The following PTPRS variants were observed in gnomAD, a reference collection of about 807,000 sequenced individuals.
PTPRS encodes protein tyrosine phosphatase receptor type S, also known as receptor-type tyrosine-protein phosphatase S.
Under a neutral mutation model 215.3 loss-of-function variants are expected in PTPRS, and 63 were observed. That is an observed-to-expected ratio of 0.29 (90% CI 0.24 to 0.36). PTPRS has a LOEUF of 0.36. Among genes scored for constraint, PTPRS ranks in the 10% least tolerant of loss-of-function variants. PTPRS has a pLI of 1.00. For synonymous variants in PTPRS, 1,404 were observed against 1,191.4 expected (o/e 1.18, Z -3.68); for missense variants, 2,258 against 2,825.8 (o/e 0.80, Z 4.56).
Position 5,217,412 on chromosome 19 carries a change from A to C in PTPRS, c.4049-645T>G, listed in dbSNP as rs1431644115. Among the ~76,000 whole-genome samples the C allele has an allele frequency of 2.0e-5, 3 of 152,282 alleles. No homozygotes were observed. The East Asian group carries it at 5.8e-4, about 29-fold the overall frequency. Reference sequence around the variant, plus strand: ...TCAGTACAGAGGAAAGAAAGGGAAGAGAATACACGAGGGGTGATACATGAG... The same window carrying C: ...TCAGTACAGAGGAAAGAAAGGGAAGCGAATACACGAGGGGTGATACATGAG... On this transcript the variant is annotated intron_variant, in intron 25 of 37. Coordinates refer to ENST00000262963, the MANE Select transcript of PTPRS (RefSeq NM_002850.4).
intron 1 of PTPRS, among the ~76,000 whole-genome samples, chr19:5,326,213 A>C (rs1340827372): frequency 1.3e-5 from 2 of 152,172 alleles, no homozygotes; most frequent in African/African-American, 4.8e-5. Flanking sequence ...CCTGGGCGAC[A>C]GAGTGAGACT....
chr19:5,207,128 A>G (rs1002176218), intron 37 of PTPRS, among the ~76,000 whole-genome samples: 1 of 152,244 alleles, frequency 6.6e-6, no homozygotes, highest in African/African-American at 2.4e-5. Context: ...TGTGTTGCCC[A>G]GGCTGGAGTG....
chr19:5,239,607 A>G (rs573281731), intron 12 of PTPRS, among the ~76,000 whole-genome samples: 26 of 151,634 alleles, frequency 1.7e-4, no homozygotes. Context: ...AACACAGAGA[A>G]ACAGGGGAGA....
chr19:5,246,818 T>C (rs2044529251), intron 9 of PTPRS, among the ~76,000 whole-genome samples: 1 of 152,184 alleles, frequency 6.6e-6, no homozygotes, highest in Admixed American at 6.5e-5. Context: ...TAAAAGCTTC[T>C]GTCAGATCTG....
At chr19:5,292,890 G>C (rs1023578406) in intron 1 of PTPRS, 3 of 152,078 alleles carry the variant, frequency 2.0e-5, no homozygotes, top group Admixed American at 1.3e-4. Flanking sequence ...GGGGCCAGGC[G>C]GGGGAGGGGA....
chr19:5,243,774 A>C, intron 11 of PTPRS, 127 bp downstream of exon 11: 1 of 935,228 alleles, frequency 1.1e-6, no homozygotes, highest in Non-Finnish European at 1.5e-6. Context: ...ACCCGGCCTA[A>C]ATGCTAGCAT....
Position 5,210,603 on chromosome 19 carries a change from G to A in PTPRS, c.5362-9C>T. ...TACTGGTGACACTTCTCCTGTGGAG[G>A]AGATGGCGGCCGTGGTCAGCGCTGT... On this transcript the variant is annotated splice_polypyrimidine_tract_variant and intron_variant, in intron 34 of 37. Coordinates refer to ENST00000262963, the MANE Select transcript of PTPRS (RefSeq NM_002850.4). This position sits in a 1 kb window ranked among gnomAD's most constrained non-coding sequence, Gnocchi z 4.5. 6.2e-7 allele frequency: 1 copy of A among 1,614,192 alleles called. No individual in the cohort carries two copies. The highest frequency in any genetic ancestry group is 8.5e-7 in the Non-Finnish European group (1 of 1,180,030).
intron 1 of PTPRS, among the ~76,000 whole-genome samples, chr19:5,312,054 A>AG (rs1221604975): frequency 1.3e-5 from 2 of 152,020 alleles, no homozygotes; most frequent in East Asian, 3.9e-4. Flanking sequence ...AAAAAAAAAA[A>AG]AGAAAGAAAT....
At chr19:5,273,733 A>T (rs1234422042) in intron 3 of PTPRS, 150 bp from the exon 4 acceptor site, 18 of 1,011,498 alleles carry the variant, frequency 1.8e-5, no homozygotes, top group Non-Finnish European at 2.4e-5. Context: ...CTGAATGTGC[A>T]CGTGTGTCGG....
intron 16 of PTPRS, among the ~76,000 whole-genome samples, chr19:5,226,333 C>G (rs1179866486): frequency 6.6e-6 from 1 of 152,230 alleles, no homozygotes; most frequent in African/African-American, 2.4e-5. Flanking sequence ...CCTGTCTACA[C>G]CCACTGGTGT....
intron 4 of PTPRS, among the ~76,000 whole-genome samples, chr19:5,272,127 T>C (rs1488223158): frequency 1.3e-5 from 2 of 152,120 alleles, no homozygotes; most frequent in East Asian, 3.9e-4. Flanking sequence ...CTCCACAGGC[T>C]GGGCCCAGTG....
At position 5,217,655 on chromosome 19, in the gene PTPRS, T is replaced by TA. The variant is rs1357650819; in HGVS notation, c.4048+764dup. 2.6e-5 allele frequency among the ~76,000 whole-genome samples: 4 copies of TA among 152,070 alleles called. No homozygotes were observed. In the South Asian group the frequency reaches 6.2e-4, roughly 24 times the overall value. On this transcript the variant is annotated intron_variant, in intron 25 of 37. Transcript: ENST00000262963. ...TTAAAATCTTCATTTGGTTGGAAAATAGAGTTGATATGAACCAGTTCAGAG... is the reference window on the plus strand; with the variant it reads ...TTAAAATCTTCATTTGGTTGGAAAATAAGAGTTGATATGAACCAGTTCAGAG...
chr19:5,223,248 C>A lies in PTPRS; in HGVS notation c.2544G>T (p.Leu848=). 6.7e-7 allele frequency: 1 copy of A among 1,484,662 alleles called. No homozygotes were observed. 92.0% of individuals were successfully genotyped at this position (1,484,662 alleles called of 1,614,324 possible). A position where few individuals can be genotyped will look rare whatever the true frequency, so the allele number is the denominator to read the frequency against. The change falls in exon 18 of 38, where the codon CTG becomes CTT. Residue 848 remains leucine, a synonymous_variant. Transcript: ENST00000262963. ...CAGCCGGGGGCTCCCAGCGTGCCAG[C>A]AGGCTGCCCTCGGGGGTCTGCTGCA... ...LSVQQTPEGS[L]LARWEPPAGT...
rs1179448872 is a variant in PTPRS, at chr19:5,220,990, G to A, written c.3455+10C>T. ...GTGACAAGGAACCCGGAGCATGGGG[G>A]TGAGCATACTGGACAGGCACGGGGC... is the stretch of plus-strand genomic sequence containing the variant. On this transcript the variant is annotated intron_variant, in intron 20 of 37. Coordinates refer to ENST00000262963, the MANE Select transcript of PTPRS (RefSeq NM_002850.4). 3 of 1,598,704 alleles carry A rather than the reference G, an allele frequency of 1.9e-6. No homozygotes were observed. Among genetic ancestry groups the A allele is most frequent in the South Asian group, 1.1e-5 (1 of 89,384 alleles).
intron 1 of PTPRS, among the ~76,000 whole-genome samples, chr19:5,290,464 C>T (rs549951260): frequency 2.6e-5 from 4 of 152,312 alleles, no homozygotes; most frequent in East Asian, 3.9e-4. Flanking sequence ...AACCAGGCGC[C>T]GGGGCATGGG....
chr19:5,262,924 G>A (rs1334833566), intron 6 of PTPRS, 40 bp downstream of exon 6: 1 of 1,558,482 alleles, frequency 6.4e-7, no homozygotes, highest in African/African-American at 1.4e-5. Flanking sequence ...CAAAGGGGAT[G>A]GGGCGTTAGT....
At chr19:5,319,883 C>G (rs530436611) in intron 1 of PTPRS, among the ~76,000 whole-genome samples, 1 of 152,074 alleles carries the variant, frequency 6.6e-6, no homozygotes, top group Non-Finnish European at 1.5e-5. Context: ...GCCTCCCTCC[C>G]GAGTCCCCTT....
At chr19:5,279,555 G>C (rs1174049608) in intron 2 of PTPRS, among the ~76,000 whole-genome samples, 1 of 152,140 alleles carries the variant, frequency 6.6e-6, no homozygotes, top group East Asian at 1.9e-4. Context: ...ATCTTTTGCA[G>C]AGACAGGGTC....
chr19:5,222,269 G>C, intron 18 of PTPRS, 49 bp from the exon 19 acceptor site: 8 of 1,490,824 alleles, frequency 5.4e-6, no homozygotes, highest in Non-Finnish European at 7.5e-6. Context: ...GAGGCCCCAT[G>C]AGTGCCTGGC....
Sources: gnomAD v4.1 joint callset for allele counts (sites outside exome capture counted in the v4.1 genomes callset) on GRCh38, gnomAD v4.1.1 for gene constraint, Gnocchi (gnomAD v3.1) non-coding constraint, MANE v1.5 for transcripts, NCBI Gene and HGNC (gene_info 2026-07-23, HGNC 2026-07-21) for gene names.